CIMIP6: variants seen among roughly 807,000 people sequenced by gnomAD.
CIMIP6 encodes ciliary microtubule inner protein 6.
At chr2:54,362,679 T>C in the CIMIP6 span, among the ~76,000 whole-genome samples, 2 of 152,174 alleles carry the variant, frequency 1.3e-5, no homozygotes, top group Non-Finnish European at 2.9e-5. Context: ...TTCTGAGTGC[T>C]GGGATTACAG....
the CIMIP6 span, among the ~76,000 whole-genome samples, chr2:54,367,889 C>G: frequency 2.5e-4 from 38 of 152,280 alleles, no homozygotes; most frequent in Middle Eastern, 3.4e-3. Context: ...TCAAATTACT[C>G]TGTAAACTTT....
chr2:54,333,073 T>C, the CIMIP6 span, among the ~76,000 whole-genome samples: 86 of 152,260 alleles, frequency 5.6e-4, no homozygotes, highest in African/African-American at 1.9e-3. Context: ...AATATGTAAA[T>C]GTTATAATGG....
chr2:54,364,846 T>A, the CIMIP6 span, among the ~76,000 whole-genome samples: 3,643 of 152,232 alleles, frequency 0.024, 150 homozygotes, highest in African/African-American at 0.081. Flanking sequence ...CACAGATAAA[T>A]GTAGGATAAA....
At chr2:54,373,751 T>C in the CIMIP6 span, among the ~76,000 whole-genome samples, 2 of 152,174 alleles carry the variant, frequency 1.3e-5, no homozygotes, top group Non-Finnish European at 2.9e-5. Flanking sequence ...TGAAGGAGGC[T>C]TGAGTAATGG....
At chr2:54,360,174 G>T in the CIMIP6 span, 12 of 1,512,270 alleles carry the variant, frequency 7.9e-6, no homozygotes, top group South Asian at 1.6e-4. Flanking sequence ...CGTTCTCCTG[G>T]TTAATGTCGA....
the CIMIP6 span, among the ~76,000 whole-genome samples, chr2:54,337,600 A>T: frequency 7.2e-5 from 11 of 152,214 alleles, no homozygotes; most frequent in Non-Finnish European, 1.2e-4. Context: ...CTGGTTTGAG[A>T]ATAGAAATAT....
the CIMIP6 span, among the ~76,000 whole-genome samples, chr2:54,345,794 G>A: frequency 6.6e-6 from 1 of 152,048 alleles, no homozygotes; most frequent in African/African-American, 2.4e-5. Context: ...AAGTGTGAAG[G>A]GGAAAAATAT....
At chr2:54,336,415 G>C in the CIMIP6 span, among the ~76,000 whole-genome samples, 215 of 152,286 alleles carry the variant, frequency 1.4e-3, no homozygotes, top group African/African-American at 5.0e-3. Flanking sequence ...GCTGCAGTAT[G>C]TCACTAGTTC....
chr2:54,347,847 A>G, the CIMIP6 span, among the ~76,000 whole-genome samples: 2 of 152,186 alleles, frequency 1.3e-5, no homozygotes, highest in African/African-American at 4.8e-5. Flanking sequence ...ATGCTGTGGC[A>G]TTAATTGGCT....
At chr2:54,332,012 ATAAATTTGTATTTC>A in the CIMIP6 span, among the ~76,000 whole-genome samples, 10 of 152,218 alleles carry the variant, frequency 6.6e-5, no homozygotes, top group African/African-American at 1.9e-4. Flanking sequence ...AATGGGCCCC[ATAAATTTGTATTTC>A]TAACAAGGTC....
the CIMIP6 span, among the ~76,000 whole-genome samples, chr2:54,333,155 C>T: frequency 6.6e-6 from 1 of 152,118 alleles, no homozygotes; most frequent in Admixed American, 6.6e-5. Flanking sequence ...ACAATGTACA[C>T]CTTCATGGAA....
the CIMIP6 span, chr2:54,331,074 C>A: frequency 6.8e-7 from 1 of 1,478,166 alleles, no homozygotes; most frequent in Non-Finnish European, 9.4e-7. Context: ...AGGCCGGGAT[C>A]CAGCATGGAC....
chr2:54,350,925 A>G, the CIMIP6 span, among the ~76,000 whole-genome samples: 1 of 152,232 alleles, frequency 6.6e-6, no homozygotes, highest in Admixed American at 6.5e-5. Context: ...TCAAGTCTGC[A>G]GGCAGTTCAA....
the CIMIP6 span, among the ~76,000 whole-genome samples, chr2:54,348,999 A>G: frequency 1.3e-5 from 2 of 152,216 alleles, no homozygotes; most frequent in African/African-American, 4.8e-5. Context: ...TTGGTTTTAT[A>G]TAATAAAACT....
chr2:54,377,229 T>C, the CIMIP6 span, among the ~76,000 whole-genome samples: 3 of 152,104 alleles, frequency 2.0e-5, no homozygotes, highest in African/African-American at 7.2e-5. Context: ...TATTGACCAA[T>C]TTCCGTCGTG....
chr2:54,354,753 A>G, the CIMIP6 span, among the ~76,000 whole-genome samples: 21 of 151,946 alleles, frequency 1.4e-4, 1 homozygote, highest in Non-Finnish European at 5.9e-5. Context: ...TATTCAGGTA[A>G]TTATATTACC....
chr2:54,375,576 T>C, the CIMIP6 span, among the ~76,000 whole-genome samples: 2 of 152,240 alleles, frequency 1.3e-5, no homozygotes, highest in Admixed American at 1.3e-4. Context: ...CACGTGTATA[T>C]GTTTTTACTT....
At chr2:54,350,124 G>T in the CIMIP6 span, among the ~76,000 whole-genome samples, 1 of 152,160 alleles carries the variant, frequency 6.6e-6, no homozygotes, top group Non-Finnish European at 1.5e-5. Flanking sequence ...CCAAAGTGCT[G>T]GGATTACAGG....
At chr2:54,368,932 T>A in the CIMIP6 span, among the ~76,000 whole-genome samples, 7 of 152,280 alleles carry the variant, frequency 4.6e-5, no homozygotes, top group East Asian at 1.4e-3. Context: ...CTGATTCTTT[T>A]ACTGTAATAA....
Sources: allele counts gnomAD v4.1 joint callset (sites outside exome capture counted in the v4.1 genomes callset), GRCh38; gene constraint gnomAD v4.1.1; transcripts MANE v1.5; gene names NCBI Gene and HGNC (gene_info 2026-07-23, HGNC 2026-07-21).